The following CLTCL1 variants were observed in gnomAD, a reference collection of about 807,000 sequenced individuals.
The protein encoded by CLTCL1 is clathrin heavy chain 2.
Under a neutral mutation model 190.0 loss-of-function variants are expected in CLTCL1, and 159 were observed. That is an observed-to-expected ratio of 0.84 (90% confidence interval 0.74 to 0.95). The LOEUF (loss-of-function observed/expected upper bound fraction) is 0.95, where lower values mean the gene tolerates loss of function less well. Among genes scored for constraint, CLTCL1 ranks in the 40% least tolerant of loss-of-function variants. The pLI, the probability that CLTCL1 is intolerant of heterozygous loss-of-function variation, is 0.00. For missense variants in CLTCL1, 1,878 were observed against 2,033.4 expected (o/e 0.92, Z 1.47); for synonymous variants, 752 against 769.6 (o/e 0.98, Z 0.38).
chr22:19,271,368 G>A (rs1480896914), intron 2 of CLTCL1, among the ~76,000 whole-genome samples: 1 of 152,076 alleles, frequency 6.6e-6, no homozygotes, highest in Non-Finnish European at 1.5e-5. Context: ...GAGTTCTCAC[G>A]AGATCTGATG....
chr22:19,238,003 G>A (rs1331776711), intron 5 of CLTCL1, among the ~76,000 whole-genome samples: 1 of 152,144 alleles, frequency 6.6e-6, no homozygotes, highest in African/African-American at 2.4e-5. Flanking sequence ...TATATAATGT[G>A]ATGCCAATTT....
intron 11 of CLTCL1, among the ~76,000 whole-genome samples, chr22:19,229,102 G>T (rs1299051778): frequency 1.3e-5 from 2 of 152,112 alleles, no homozygotes; most frequent in African/African-American, 2.4e-5. Context: ...ATGCCCAAAA[G>T]AATTAAAGCA....
At chr22:19,213,665 G>T (rs1441624752) in intron 19 of CLTCL1, among the ~76,000 whole-genome samples, 4 of 152,222 alleles carry the variant, frequency 2.6e-5, no homozygotes, top group Admixed American at 1.3e-4. Flanking sequence ...CACGCTGGGT[G>T]AAAGAAGCCT....
At chr22:19,291,450 G>C (rs11704250) in intron 1 of CLTCL1, 150 bp downstream of exon 1, 231,483 of 703,474 alleles carry the variant, frequency 0.33, 45,869 homozygotes, top group African/African-American at 0.8. Flanking sequence ...CGCCCGGGAC[G>C]CCGCAGCCCC....
At position 19,229,827 on chromosome 22, in the gene CLTCL1, A is replaced by G. The variant is rs2145842400; in HGVS notation, c.1782+11T>C. Reference sequence around the variant, plus strand: ...GCTCTGCCTCTCGGTGTTAGCCTACAAGTCACTGACCTGGGGTGCATGAAC... The same window carrying G: ...GCTCTGCCTCTCGGTGTTAGCCTACGAGTCACTGACCTGGGGTGCATGAAC... On this transcript the variant is annotated intron_variant, in intron 11 of 32. Transcript: ENST00000427926. 1 of 1,597,410 alleles carries G rather than the reference A, an allele frequency of 6.3e-7. No homozygotes were observed. Among genetic ancestry groups the G allele is most frequent in the African/African-American group, 1.4e-5 (1 of 73,930 alleles).
intron 26 of CLTCL1, among the ~76,000 whole-genome samples, chr22:19,193,411 G>A (rs752862143): frequency 2.0e-5 from 3 of 152,266 alleles, no homozygotes; most frequent in East Asian, 1.9e-4. Flanking sequence ...ATGGAGCGGC[G>A]GGGCCCCTCT....
intron 26 of CLTCL1, among the ~76,000 whole-genome samples, chr22:19,192,630 T>C (rs1346093107): frequency 1.3e-5 from 2 of 152,190 alleles, no homozygotes; most frequent in Non-Finnish European, 2.9e-5. Context: ...GATGGGGTCT[T>C]CTGACTAAAA....
chr22:19,284,117 G>A lies in CLTCL1; in HGVS notation c.42+7483C>T, dbSNP rs574470041. The stretch of plus-strand genomic sequence containing the variant: ...ATGTCTGCCTGGGAGGACTACAACT[G>A]TGTTTGTACAAGAGTATTAGTGAGA... On this transcript the variant is annotated intron_variant, in intron 1 of 32. Coordinates refer to ENST00000427926, the MANE Select transcript of CLTCL1 (RefSeq NM_007098.4). 3.4e-4 allele frequency among the ~76,000 whole-genome samples: 51 copies of A among 152,224 alleles called. 1 individual carries two copies. In the South Asian group the frequency reaches 0.011, roughly 32 times the overall value.
intron 9 of CLTCL1, 120 bp from the exon 10 acceptor site, chr22:19,232,718 A>G (rs2085955010): frequency 7.9e-7 from 1 of 1,264,136 alleles, no homozygotes; most frequent in Admixed American, 2.4e-5. Context: ...CAACATTATC[A>G]TGTGTAGGTA....
intron 4 of CLTCL1, among the ~76,000 whole-genome samples, chr22:19,242,312 C>T (rs1357068866): frequency 2.0e-5 from 3 of 149,342 alleles, no homozygotes; most frequent in South Asian, 2.1e-4. Context: ...TCTTTTGAGA[C>T]GGAGTCTCAC....
At chr22:19,243,510 T>G (rs2086319342) in intron 3 of CLTCL1, among the ~76,000 whole-genome samples, 1 of 151,880 alleles carries the variant, frequency 6.6e-6, no homozygotes, top group Non-Finnish European at 1.5e-5. Flanking sequence ...TCTTAGCTAC[T>G]CGGGAGGCCA....
intron 3 of CLTCL1, among the ~76,000 whole-genome samples, chr22:19,246,062 C>CT (rs200846006): frequency 0.048 from 7,368 of 152,032 alleles, 245 homozygotes; most frequent in African/African-American, 0.094. Flanking sequence ...CTGTGTTTAA[C>CT]TTTTTTTTAT....
intron 29 of CLTCL1, among the ~76,000 whole-genome samples, chr22:19,185,838 G>A (rs1771541): frequency 0.059 from 8,992 of 152,288 alleles, 333 homozygotes; most frequent in Middle Eastern, 0.16. Context: ...TCAGCCAGCC[G>A]AGGGCAGCCT....
intron 26 of CLTCL1, among the ~76,000 whole-genome samples, chr22:19,195,905 G>A (rs1011389629): frequency 6.6e-6 from 1 of 152,290 alleles, no homozygotes; most frequent in East Asian, 1.9e-4. Flanking sequence ...GGAAGTGGGG[G>A]TGGGAGCCCT....
At chr22:19,239,979 C>T (rs546068863) in intron 4 of CLTCL1, among the ~76,000 whole-genome samples, 125 of 148,426 alleles carry the variant, frequency 8.4e-4, no homozygotes, top group Non-Finnish European at 1.4e-3. Context: ...GATGGAGTCT[C>T]GCTCTGTCGC....
intron 1 of CLTCL1, among the ~76,000 whole-genome samples, chr22:19,282,307 G>A (rs1271138323): frequency 6.7e-6 from 1 of 149,380 alleles, no homozygotes; most frequent in African/African-American, 2.5e-5. Flanking sequence ...CCAGCCTGGC[G>A]ACAGAGCCAA....
chr22:19,187,481 A>G, intron 29 of CLTCL1, 77 bp downstream of exon 29: 1 of 1,463,448 alleles, frequency 6.8e-7, no homozygotes, highest in Non-Finnish European at 9.3e-7. Context: ...AACAAGAGGG[A>G]AGGGATGTGA....
intron 29 of CLTCL1, chr22:19,183,839 G>A (rs540320398): frequency 3.8e-5 from 21 of 555,810 alleles, no homozygotes; most frequent in African/African-American, 3.2e-4. Context: ...TCACGGAGGC[G>A]CAGGTGCCCT....
At chr22:19,229,737 C>T in intron 11 of CLTCL1, 101 bp downstream of exon 11, 2 of 1,194,128 alleles carry the variant, frequency 1.7e-6, no homozygotes, top group Non-Finnish European at 2.2e-6. Flanking sequence ...AAACATCTGG[C>T]ACAAGCCCAG....
Sources: gnomAD v4.1 joint callset for allele counts (sites outside exome capture counted in the v4.1 genomes callset) on GRCh38, gnomAD v4.1.1 for gene constraint, MANE v1.5 for transcripts, NCBI Gene and HGNC (gene_info 2026-07-23, HGNC 2026-07-21) for gene names.